IGF2R: variants seen among roughly 807,000 people sequenced by gnomAD.
The protein encoded by IGF2R is insulin like growth factor 2 receptor.
A neutral mutation model predicts 270.6 loss-of-function variants in IGF2R; 91 were observed. The ratio of observed to expected loss-of-function variants is 0.34; its 90% CI spans 0.28 to 0.40. The LOEUF (loss-of-function observed/expected upper bound fraction) is 0.40. IGF2R is among the 10% of genes least tolerant of loss of function. IGF2R has a pLI of 1.00. For synonymous variants in IGF2R, 1,316 were observed against 1,258.9 expected (o/e 1.05, Z -0.96); for missense variants, 2,805 against 3,188.3 (o/e 0.88, Z 2.90).
At chr6:160,078,635 G>A (rs1268477948) in intron 37 of IGF2R, among the ~76,000 whole-genome samples, 4 of 152,194 alleles carry the variant, frequency 2.6e-5, no homozygotes, top group Admixed American at 6.5e-5. Flanking sequence ...GGCGGGTAGT[G>A]GGACCCTTTG....
At chr6:160,017,603 A>G (rs1487434639) in intron 4 of IGF2R, among the ~76,000 whole-genome samples, 1 of 152,172 alleles carries the variant, frequency 6.6e-6, no homozygotes, top group Non-Finnish European at 1.5e-5. Flanking sequence ...AATCCTATCC[A>G]CGAGAAAAGT....
chr6:160,095,175 A>G (rs1333071548), intron 44 of IGF2R: 1 of 152,180 alleles, frequency 6.6e-6, no homozygotes, highest in East Asian at 1.9e-4. Context: ...TTCAAAAAGT[A>G]GCAATATGCC....
chr6:159,993,470 T>C (rs1331895278), intron 2 of IGF2R, among the ~76,000 whole-genome samples: 1 of 152,202 alleles, frequency 6.6e-6, no homozygotes, highest in Admixed American at 6.5e-5. Flanking sequence ...GTTTATTGAA[T>C]AGGGTGTCCC....
intron 37 of IGF2R, among the ~76,000 whole-genome samples, chr6:160,079,354 C>T (rs1778925009): frequency 6.6e-6 from 1 of 152,192 alleles, no homozygotes; most frequent in African/African-American, 2.4e-5. Context: ...TGGCCGAGGC[C>T]CCCAGCAGGG....
At chr6:160,034,653 T>C in intron 10 of IGF2R, 131 bp downstream of exon 10, 1 of 566,584 alleles carries the variant, frequency 1.8e-6, no homozygotes, top group East Asian at 2.8e-5. Flanking sequence ...ACTGGCCAGC[T>C]CTAGCCCCCA....
At chr6:159,986,430 GTT>G (rs5741634) in intron 1 of IGF2R, among the ~76,000 whole-genome samples, 139 of 116,866 alleles carry the variant, frequency 1.2e-3, no homozygotes, top group African/African-American at 3.4e-3. Context: ...GTGTGTGTGT[GTT>G]TTTTTTTTTT....
Position 160,100,646 on chromosome 6 carries a change from T to C in IGF2R, c.6843-1873T>C, listed in dbSNP as rs79677555. Among the ~76,000 whole-genome samples, 716 of 150,616 alleles carry C rather than the reference T, an allele frequency of 4.8e-3. 11 individuals carry two copies. Among genetic ancestry groups the C allele is most frequent in the African/African-American group, 0.017 (673 of 40,738 alleles). On this transcript the variant is annotated intron_variant, in intron 45 of 47. Transcript: ENST00000356956. ...ACTGTTCCCTGCGTTGGGAGAACAC[T>C]GTTTGCCCAAGCTTACATCAAACAC...
At chr6:160,083,350 A>G (rs956247449) in intron 39 of IGF2R, among the ~76,000 whole-genome samples, 3 of 152,206 alleles carry the variant, frequency 2.0e-5, no homozygotes, top group East Asian at 1.9e-4. Flanking sequence ...CTTTTCTCCT[A>G]TCTCAGAGTT....
In IGF2R at chr6:160,059,613, T is replaced by C. The variant is rs1016773980; in HGVS notation, c.3091+515T>C. Among the ~76,000 whole-genome samples, 4 of 152,218 alleles carry C rather than the reference T, an allele frequency of 2.6e-5. No individual in the cohort carries two copies. In the East Asian group the frequency reaches 7.7e-4, roughly 29 times the overall value. ...GTGATGTTTCTGAAACATCACATCATATCACTTCCCAGCTCAGAGCCCTCG... is the reference window on the plus strand; with the variant it reads ...GTGATGTTTCTGAAACATCACATCACATCACTTCCCAGCTCAGAGCCCTCG... On this transcript the variant is annotated intron_variant, in intron 22 of 47. Coordinates refer to ENST00000356956, the MANE Select transcript of IGF2R (RefSeq NM_000876.4).
At position 160,069,628 on chromosome 6, in the gene IGF2R, TC is replaced by T. The variant is rs568503797; in HGVS notation, c.4253-238del. Among the ~76,000 whole-genome samples the T allele has an allele frequency of 5.7e-3, 862 of 152,340 alleles. 10 individuals carry two copies. The highest frequency in any genetic ancestry group is 0.019 in the African/African-American group (797 of 41,580). On this transcript the variant is annotated intron_variant, in intron 30 of 47. Transcript: ENST00000356956. Reference sequence around the variant, plus strand: ...ATTTCGACTGCTACAGCCTAGCTATTCCTCTACACTCACGCCCGCCTGCCCC... The same window carrying T: ...ATTTCGACTGCTACAGCCTAGCTATTCTCTACACTCACGCCCGCCTGCCCC...
Position 160,063,411 on chromosome 6 carries a change from G to C in IGF2R, c.3671-4G>C. The C allele has an allele frequency of 6.2e-7, 1 of 1,610,790 alleles. No individual in the cohort carries two copies. Among genetic ancestry groups the C allele is most frequent in the Non-Finnish European group, 8.5e-7 (1 of 1,178,672 alleles). ...TGCCCTTCACTTCTTCCATGTTCTT[G>C]AAGGGGACAACTGTGAGGTGAAAGA... On this transcript the variant is annotated splice_polypyrimidine_tract_variant and splice_region_variant and intron_variant, in intron 26 of 47. Coordinates refer to ENST00000356956, the MANE Select transcript of IGF2R (RefSeq NM_000876.4).
intron 4 of IGF2R, among the ~76,000 whole-genome samples, chr6:160,015,826 G>T (rs1191979189): frequency 6.6e-6 from 1 of 152,218 alleles, no homozygotes. Context: ...CCTTGGTGCT[G>T]TCCTCATGAC....
chr6:160,060,655 CTTACT>C lies in IGF2R; in HGVS notation c.3203_3207del (p.Tyr1068Ter), dbSNP rs752905310. 1 of 1,614,270 alleles carries C rather than the reference CTTACT, an allele frequency of 6.2e-7. No individual in the cohort carries two copies. Among genetic ancestry groups the C allele is most frequent in the South Asian group, 1.1e-5 (1 of 91,090 alleles). Reference sequence around the variant, plus strand: ...GACTCTGGGCAAGGGATCCGAAACACTTACTTTGAGTTTGAAACCGCGTTGGCCTG... The same window carrying C: ...GACTCTGGGCAAGGGATCCGAAACACTTGAGTTTGAAACCGCGTTGGCCTG... On this transcript the variant is annotated frameshift_variant, in exon 23 of 48. Transcript: ENST00000356956. LOFTEE classifies it high-confidence loss of function.
chr6:160,050,441 G>A lies in IGF2R; in HGVS notation c.2515-32G>A, dbSNP rs770329682. On this transcript the variant is annotated intron_variant, in intron 18 of 47. Transcript: ENST00000356956. This position sits in a 1 kb window ranked among gnomAD's most constrained non-coding sequence, Gnocchi z 4.0. ...TAACGAATCGACTGTATCTTCAGGG[G>A]GAAAAGCCTAACAAGACTGGTTTTC... The A allele has an allele frequency of 1.3e-6, 2 of 1,586,140 alleles. No homozygotes were observed. The highest frequency in any genetic ancestry group is 1.7e-6 in the Non-Finnish European group (2 of 1,160,124).
rs757118816 is a variant in IGF2R, at chr6:160,104,642, C to T, written c.7066-32C>T. The T allele has an allele frequency of 1.9e-6, 3 of 1,588,554 alleles. No homozygotes were observed. In the African/African-American group the frequency reaches 4.0e-5, roughly 21 times the overall value. On this transcript the variant is annotated intron_variant, in intron 47 of 47. Transcript: ENST00000356956. ...GAGCAGAATGGGGTCTCTTAGGGGG[C>T]TCACGTGGTCTCTGCTGTTGATCCC...
At chr6:159,980,841 C>G (rs971295530) in intron 1 of IGF2R, among the ~76,000 whole-genome samples, 2 of 152,210 alleles carry the variant, frequency 1.3e-5, no homozygotes, top group African/African-American at 4.8e-5. Context: ...AGGCGGTTGG[C>G]CTCAGACATC....
chr6:160,072,588 G>A (rs1030879696), intron 32 of IGF2R, among the ~76,000 whole-genome samples, 177 bp from the exon 33 acceptor site: 1 of 152,238 alleles, frequency 6.6e-6, no homozygotes, highest in African/African-American at 2.4e-5. Context: ...CATGGATCAA[G>A]GGACTGACAG....
chr6:159,977,201 TATTA>T (rs963161667), intron 1 of IGF2R, among the ~76,000 whole-genome samples: 2 of 152,358 alleles, frequency 1.3e-5, no homozygotes, highest in African/African-American at 4.8e-5. Context: ...CTGATTGCTC[TATTA>T]ATTATTTTTC....
intron 1 of IGF2R, among the ~76,000 whole-genome samples, chr6:159,987,539 GCA>G (rs1457684096): frequency 1.3e-5 from 2 of 152,100 alleles, no homozygotes; most frequent in Non-Finnish European, 1.5e-5. Context: ...CTATAGGCGT[GCA>G]CCACCACGCC....
Sources: gnomAD v4.1 joint callset for allele counts (sites outside exome capture counted in the v4.1 genomes callset) on GRCh38, gnomAD v4.1.1 for gene constraint, Gnocchi (gnomAD v3.1) non-coding constraint, MANE v1.5 for transcripts, NCBI Gene and HGNC (gene_info 2026-07-23, HGNC 2026-07-21) for gene names.